SEMA3C: variants seen among roughly 807,000 people sequenced by gnomAD.
The protein encoded by SEMA3C is semaphorin 3C, also known as semaphorin-3C.
A neutral mutation model predicts 89.4 loss-of-function variants in SEMA3C; 47 were observed. The ratio of observed to expected loss-of-function variants is 0.53; its 90% CI spans 0.42 to 0.67. The LOEUF is 0.67. Among genes scored for constraint, SEMA3C ranks in the 30% least tolerant of loss-of-function variants. The pLI is 0.00. For synonymous variants in SEMA3C, 310 were observed against 320.2 expected, an observed-to-expected ratio of 0.97 and a Z score of 0.34; for missense variants, 839 against 929.1, an observed-to-expected ratio of 0.90 and a Z score of 1.26.
upstream of SEMA3C, among the ~76,000 whole-genome samples, chr7:80,919,969 G>A (rs1278720396): frequency 6.6e-6 from 1 of 152,104 alleles, no homozygotes; most frequent in Non-Finnish European, 1.5e-5. Flanking sequence ...TGCCCTGAAA[G>A]CAGTAATTCT....
intron 12 of SEMA3C, among the ~76,000 whole-genome samples, chr7:80,785,990 G>T (rs759869068): frequency 1.3e-5 from 2 of 152,108 alleles, no homozygotes; most frequent in African/African-American, 4.8e-5. Context: ...TAATGCAGCC[G>T]GTTATGACAA....
At chr7:80,885,104 A>G (rs1234348639) in intron 2 of SEMA3C, among the ~76,000 whole-genome samples, 2 of 152,212 alleles carry the variant, frequency 1.3e-5, no homozygotes, top group African/African-American at 2.4e-5. Flanking sequence ...GACAAGAAAG[A>G]CAATTCTTAT....
chr7:80,802,647 A>G lies in SEMA3C; in HGVS notation c.916+18T>C. ...AAGCCTTCTTTCAGAAGCATTTTTCAATCTCATATGTATGTACCTAATTCA... is the reference window on the plus strand; with the variant it reads ...AAGCCTTCTTTCAGAAGCATTTTTCGATCTCATATGTATGTACCTAATTCA... On this transcript the variant is annotated intron_variant, in intron 9 of 17. Coordinates refer to ENST00000265361, the MANE Select transcript of SEMA3C (RefSeq NM_006379.5). 6.5e-7 allele frequency: 1 copy of G among 1,532,600 alleles called. No homozygotes were observed. The highest frequency in any genetic ancestry group is 1.7e-4 in the Middle Eastern group (1 of 5,806). 94.9% of individuals were successfully genotyped at this position (1,532,600 alleles called of 1,614,324 possible). A position where few individuals can be genotyped will look rare whatever the true frequency, so the allele number is the denominator to read the frequency against.
rs377156221 is a variant in SEMA3C, at chr7:80,748,979, G to A, written c.1761C>T (p.Thr587=). Residue 587 remains threonine, a synonymous_variant, in exon 17 of 18, where the codon ACC becomes ACT. Transcript: ENST00000265361. The stretch of plus-strand genomic sequence containing the variant: ...ACTTGGGGGCACACTCCAGAAAAGT[G>A]GTGTTATTTTTTACTCCATACTGGA... ...EIVQYGVKNN[T]TFLECAPKSP... The A allele has an allele frequency of 4.3e-6, 7 of 1,612,998 alleles. No individual in the cohort carries two copies. The highest frequency in any genetic ancestry group is 1.3e-5 in the African/African-American group (1 of 74,810).
chr7:80,907,839 C>G (rs1416396513), intron 2 of SEMA3C, among the ~76,000 whole-genome samples: 1 of 151,880 alleles, frequency 6.6e-6, no homozygotes, highest in African/African-American at 2.4e-5. Flanking sequence ...CATCTATCTA[C>G]AAGGGCAGAC....
chr7:80,875,353 T>A (rs1791175849), intron 2 of SEMA3C, among the ~76,000 whole-genome samples: 1 of 152,144 alleles, frequency 6.6e-6, no homozygotes, highest in African/African-American at 2.4e-5. Flanking sequence ...TACTTCCATT[T>A]GCTATATTAA....
intron 5 of SEMA3C, among the ~76,000 whole-genome samples, chr7:80,813,278 A>G (rs1443468378): frequency 6.6e-6 from 1 of 152,174 alleles, no homozygotes; most frequent in Admixed American, 6.5e-5. Flanking sequence ...AAGGCAACCT[A>G]AAAAAGTAAA....
At position 80,745,125 on chromosome 7, in the gene SEMA3C, G is replaced by A; in HGVS notation, c.2025C>T (p.Ser675=). ...EMVAVVTDKW[S]PWTWASSVRA... is the part of the protein sequence containing the mutation. ...TCACAGAGCTGGCCCAGGTCCATGG[G>A]GACCATTTGTCCGTCACAACAGCCA... is the stretch of plus-strand genomic sequence containing the variant. The change falls in exon 18 of 18, where the codon TCC becomes TCT. Residue 675 remains serine, a synonymous_variant. Transcript: ENST00000265361. 6.2e-7 allele frequency: 1 copy of A among 1,613,942 alleles called. No individual in the cohort carries two copies.
At chr7:80,861,178 T>A (rs543847878) in intron 2 of SEMA3C, among the ~76,000 whole-genome samples, 1 of 152,288 alleles carries the variant, frequency 6.6e-6, no homozygotes, top group South Asian at 2.1e-4. Flanking sequence ...TCAGAAAAAC[T>A]TCGATTATTA....
intron 15 of SEMA3C, among the ~76,000 whole-genome samples, chr7:80,752,925 A>T (rs1301404569): frequency 6.6e-6 from 1 of 152,214 alleles, no homozygotes. Context: ...GTCTTTCTTC[A>T]TACTTTTAAA....
At chr7:80,766,691 C>G (rs1249647076) in intron 12 of SEMA3C, among the ~76,000 whole-genome samples, 1 of 152,064 alleles carries the variant, frequency 6.6e-6, no homozygotes, top group African/African-American at 2.4e-5. Context: ...CCACCGTTAA[C>G]AGTGCCAGGG....
intron 15 of SEMA3C, among the ~76,000 whole-genome samples, chr7:80,752,094 G>A (rs926391370): frequency 2.6e-5 from 4 of 152,090 alleles, no homozygotes; most frequent in African/African-American, 4.8e-5. Context: ...TGCTTCACCC[G>A]TAAGTGCTTT....
At chr7:80,899,093 T>G (rs1264438972) in intron 2 of SEMA3C, among the ~76,000 whole-genome samples, 1 of 152,230 alleles carries the variant, frequency 6.6e-6, no homozygotes, top group Non-Finnish European at 1.5e-5. Context: ...CAGGCTGAAG[T>G]GCAGTGGCAT....
intron 2 of SEMA3C, among the ~76,000 whole-genome samples, chr7:80,863,457 T>C (rs1317481612): frequency 2.6e-5 from 4 of 151,700 alleles, no homozygotes; most frequent in Non-Finnish European, 5.9e-5. Flanking sequence ...AGAGATTCCT[T>C]AAAGAACTGA....
intron 14 of SEMA3C, among the ~76,000 whole-genome samples, chr7:80,761,100 C>T (rs1032159330): frequency 1.3e-5 from 2 of 152,012 alleles, no homozygotes; most frequent in Non-Finnish European, 2.9e-5. Flanking sequence ...AATTCCTGAA[C>T]CCTTAAATTT....
intron 11 of SEMA3C, among the ~76,000 whole-genome samples, chr7:80,790,323 GAGGAGAAAGGAGGAGGAGGA>G (rs1339906195): frequency 6.6e-6 from 1 of 151,842 alleles, no homozygotes; most frequent in Non-Finnish European, 1.5e-5. Flanking sequence ...GGAGGAGGAG[GAGGAGAAAGGAGGAGGAGGA>G]AGGAGAAGGG....
intron 2 of SEMA3C, among the ~76,000 whole-genome samples, chr7:80,872,123 A>G (rs1480614045): frequency 1.3e-5 from 2 of 152,050 alleles, no homozygotes; most frequent in Non-Finnish European, 1.5e-5. Flanking sequence ...GAAGAGTGGC[A>G]ATATTTTACG....
intron 11 of SEMA3C, among the ~76,000 whole-genome samples, chr7:80,794,775 C>T (rs1544005): frequency 0.28 from 43,317 of 152,110 alleles, 6,543 homozygotes; most frequent in East Asian, 0.34. Flanking sequence ...TTTGCTCGGC[C>T]ACAGAGTTTT....
intron 2 of SEMA3C, among the ~76,000 whole-genome samples, chr7:80,873,381 T>C (rs960417562): frequency 2.0e-5 from 3 of 152,212 alleles, no homozygotes; most frequent in Non-Finnish European, 4.4e-5. Flanking sequence ...TTTATTACTA[T>C]CTTTATGACA....
Sources: allele counts gnomAD v4.1 joint callset (sites outside exome capture counted in the v4.1 genomes callset), GRCh38; gene constraint gnomAD v4.1.1; transcripts MANE v1.5; gene names NCBI Gene and HGNC (gene_info 2026-07-23, HGNC 2026-07-21).